Variants in FHIP1B observed in about 807,000 individuals in gnomAD.
FHIP1B encodes FHF complex subunit HOOK interacting protein 1B.
Under a neutral mutation model 82.2 loss-of-function variants are expected in FHIP1B, and 28 were observed. The ratio of observed to expected loss-of-function variants is 0.34; its 90% CI spans 0.25 to 0.47. The LOEUF is 0.47. Ranked by LOEUF, FHIP1B falls within the 20% of genes least tolerant of loss-of-function variation. The probability of loss-of-function intolerance (pLI) is 1.00; values close to 1 mark genes in which losing one functional copy is unlikely to be tolerated. For missense variants in FHIP1B, 1,110 were observed against 1,262.6 expected (o/e 0.88, Z 1.83); for synonymous variants, 585 against 516.1 (o/e 1.13, Z -1.81).
chr11:6,220,547 T>C (rs569833611), intron 6 of FHIP1B, among the ~76,000 whole-genome samples: 29 of 152,306 alleles, frequency 1.9e-4, no homozygotes, highest in Non-Finnish European at 3.7e-4. Flanking sequence ...GCAGGCTATA[T>C]ACGTTACAAA....
chr11:6,217,896 G>T lies in FHIP1B; in HGVS notation c.1690C>A (p.Arg564Ser). 5 of 1,613,134 alleles carry T rather than the reference G, an allele frequency of 3.1e-6. No individual in the cohort carries two copies. The highest frequency in any genetic ancestry group is 4.2e-6 in the Non-Finnish European group (5 of 1,180,016). Residue 564 changes from arginine (R) to serine (S), a missense_variant, in exon 9 of 12, where the codon CGC becomes AGC. Around this residue, in one of 6 missense-constraint regions of FHIP1B, gnomAD observed 418 missense variants for 371.4 expected, o/e 1.13. Coordinates refer to ENST00000449352, the MANE Select transcript of FHIP1B (RefSeq NM_001098794.2). ...CAGGTACGGCAGGCTCGGACACAGC[G>T]GTCCACACCACGACGTGCCTCACGC... ...YLREARRGVDRCVRACRTWSA... is the reference protein window; with the variant it reads ...YLREARRGVDSCVRACRTWSA...
chr11:6,232,331 G>A (rs538496595), intron 1 of FHIP1B, among the ~76,000 whole-genome samples: 130 of 152,312 alleles, frequency 8.5e-4, no homozygotes, highest in African/African-American at 2.8e-3. Flanking sequence ...CTATCAAGAT[G>A]TGATCCAGGT....
rs907472906 is a variant in FHIP1B at position 6,223,514 on chromosome 11, G to A, written c.777+96C>T. 2.8e-6 allele frequency: 4 copies of A among 1,438,700 alleles called. No individual in the cohort carries two copies. The Admixed American group carries it at 6.8e-5, about 25-fold the overall frequency. 89.1% of individuals were successfully genotyped at this position (1,438,700 alleles called of 1,614,324 possible). ...CCAGGAACTGTTTCCTAGGGGAACGGGCCCTGGAACATAGCCTCTCCCCAT... is the reference window on the plus strand; with the variant it reads ...CCAGGAACTGTTTCCTAGGGGAACGAGCCCTGGAACATAGCCTCTCCCCAT... On this transcript the variant is annotated intron_variant, in intron 3 of 11. Transcript: ENST00000449352. The surrounding 1 kb of genome is among the most constrained non-coding windows in gnomAD (Gnocchi z 4.8).
At chr11:6,221,743 G>A (rs1176466840) in intron 6 of FHIP1B, among the ~76,000 whole-genome samples, 2 of 152,064 alleles carry the variant, frequency 1.3e-5, no homozygotes, top group Non-Finnish European at 2.9e-5. Flanking sequence ...CATCTCTTCA[G>A]AGAGGTCTTC....
chr11:6,216,795 C>G (rs1847239794), intron 9 of FHIP1B: 4 of 507,250 alleles, frequency 7.9e-6, no homozygotes, highest in Non-Finnish European at 1.4e-5. Flanking sequence ...TCACAGCAAC[C>G]AAGAAGGTAC....
chr11:6,227,005 A>G (rs1361359268), intron 1 of FHIP1B, among the ~76,000 whole-genome samples: 1 of 152,228 alleles, frequency 6.6e-6, no homozygotes, highest in African/African-American at 2.4e-5. Flanking sequence ...CTCTATCTTA[A>G]TATGTTCCAT....
intron 7 of FHIP1B, 59 bp from the exon 8 acceptor site, chr11:6,218,822 G>C: frequency 6.3e-7 from 1 of 1,584,890 alleles, no homozygotes; most frequent in Non-Finnish European, 8.7e-7. Flanking sequence ...ACAGGGCCTA[G>C]AGGAACATCA....
At chr11:6,214,174 C>T (rs1481508118) in intron 11 of FHIP1B, among the ~76,000 whole-genome samples, 1 of 152,008 alleles carries the variant, frequency 6.6e-6, no homozygotes, top group African/African-American at 2.4e-5. Context: ...ACTACTCTGT[C>T]CTCTTTCTTG....
Position 6,217,818 on chromosome 11 carries a change from A to G in FHIP1B, c.1768T>C (p.Ser590Pro). 1 of 1,610,638 alleles carries G rather than the reference A, an allele frequency of 6.2e-7. No individual in the cohort carries two copies. Among genetic ancestry groups the G allele is most frequent in the Non-Finnish European group, 8.5e-7 (1 of 1,178,902 alleles). ...AGTAGGCTGCGTTTCTTAGTCCGGG[A>G]GCCAAAAGGACTGGGCTCAGGAGAG... ...RPSPEPSPFG[S>P]RTKKRSLLPE... The change falls in exon 9 of 12, where the codon TCC becomes CCC. Residue 590 changes from serine (S) to proline (P), a missense_variant. By Grantham distance (74) the Ser-to-Pro change is moderately conservative. Coordinates refer to ENST00000449352, the MANE Select transcript of FHIP1B (RefSeq NM_001098794.2).
At chr11:6,228,948 G>A (rs918653267) in intron 1 of FHIP1B, among the ~76,000 whole-genome samples, 1 of 152,174 alleles carries the variant, frequency 6.6e-6, no homozygotes. Flanking sequence ...CCCTCTTACA[G>A]TTATTAGCCC....
At chr11:6,214,015 A>C (rs1253638806) in intron 11 of FHIP1B, among the ~76,000 whole-genome samples, 1 of 140,840 alleles carries the variant, frequency 7.1e-6, no homozygotes, top group Non-Finnish European at 1.5e-5. Context: ...CTCCAACTAA[A>C]CAGTCCAGGA....
At position 6,218,713 on chromosome 11, in the gene FHIP1B, C is replaced by T. The variant is rs756094983; in HGVS notation, c.1322G>A (p.Arg441His). 7 of 1,613,948 alleles carry T rather than the reference C, an allele frequency of 4.3e-6. No individual in the cohort carries two copies. The highest frequency in any genetic ancestry group is 4.2e-6 in the Non-Finnish European group (5 of 1,180,022). ...HVMLSQKPAV[R>H]DVDLYGRAAD... ...TGCTCGTCCATATAGGTCCACATCA[C>T]GAACAGCCGGCTTCTGGCTCAGCAT... The change falls in exon 8 of 12, where the codon CGT (arginine) becomes CAT (histidine). Residue 441 changes from arginine to histidine, a missense_variant. By Grantham distance (29) the Arg-to-His change is conservative. This residue lies in a region of FHIP1B where 467 missense variants were observed against 602.9 expected (regional missense o/e 0.77). Coordinates refer to ENST00000449352, the MANE Select transcript of FHIP1B (RefSeq NM_001098794.2).
chr11:6,226,621 C>T (rs868367199), intron 1 of FHIP1B, among the ~76,000 whole-genome samples: 1 of 152,028 alleles, frequency 6.6e-6, no homozygotes, highest in Non-Finnish European at 1.5e-5. Context: ...ACTATGGTAC[C>T]GTGAAAGAAC....
Position 6,218,024 on chromosome 11 carries a change from G to A in FHIP1B, c.1562C>T (p.Pro521Leu), listed in dbSNP as rs573156575. The change falls in exon 9 of 12, where the codon CCT (proline) becomes CTT (leucine). Residue 521 changes from proline (P) to leucine (L), a missense_variant. Pro to Leu is a moderately conservative substitution (Grantham distance 98). Transcript: ENST00000449352. Reference protein sequence around the residue: ...LGGSESPGPAPCSPGLSASPA... With the variant: ...LGGSESPGPALCSPGLSASPA... ...GGATGCAGAAAGCCCTGGTGAGCAA[G>A]GGGCTGGGCCTGGAGACTCAGAGCC... is the stretch of plus-strand genomic sequence containing the variant. 2 of 1,613,560 alleles carry A rather than the reference G, an allele frequency of 1.2e-6. No individual in the cohort carries two copies. Among genetic ancestry groups the A allele is most frequent in the African/African-American group, 1.3e-5 (1 of 75,040 alleles).
intron 6 of FHIP1B, among the ~76,000 whole-genome samples, chr11:6,221,432 G>A (rs972341475): frequency 5.3e-5 from 8 of 152,062 alleles, no homozygotes; most frequent in South Asian, 2.1e-4. Flanking sequence ...TTCTCCTAGA[G>A]GGGCTTAAGT....
chr11:6,214,853 A>G lies in FHIP1B; in HGVS notation c.2274T>C (p.Tyr758=). ...CCAGCCCCGTCAGCAGGAAGTTGAC[A>G]TAGACGGAGTTCTGCAGCATGTTCT... is the stretch of plus-strand genomic sequence containing the variant. ...KLENMLQNSV[Y]VNFLLTGLVA... The change falls in exon 10 of 12, where the codon TAT becomes TAC. Residue 758 remains tyrosine (Y), a synonymous_variant. Coordinates refer to ENST00000449352, the MANE Select transcript of FHIP1B (RefSeq NM_001098794.2). 2 of 1,612,096 alleles carry G rather than the reference A, an allele frequency of 1.2e-6. No individual in the cohort carries two copies. Among genetic ancestry groups the G allele is most frequent in the Non-Finnish European group, 1.7e-6 (2 of 1,179,020 alleles).
chr11:6,223,681 G>GA lies in FHIP1B; in HGVS notation c.705dup (p.Leu236SerfsTer42). 6.2e-7 allele frequency: 1 copy of GA among 1,613,822 alleles called. No individual in the cohort carries two copies. The highest frequency in any genetic ancestry group is 8.5e-7 in the Non-Finnish European group (1 of 1,179,776). On this transcript the variant is annotated frameshift_variant, in exon 3 of 12. Coordinates refer to ENST00000449352, the MANE Select transcript of FHIP1B (RefSeq NM_001098794.2). LOFTEE classifies it high-confidence loss of function. This position sits in a 1 kb window ranked among gnomAD's most constrained non-coding sequence, Gnocchi z 4.8. ...CTCCCAGCTGACAAAGCCATGAGAA[G>GA]AAGTAGGGCATCACGGGCCTGCTGG...
At position 6,211,718 on chromosome 11, in the gene FHIP1B, G is replaced by A; in HGVS notation, c.2707C>T (p.Pro903Ser). ...LSGGSPGAST[P>S]VLLTRGGAPE... The stretch of plus-strand genomic sequence containing the variant: ...GCCCCGCCCCGGGTGAGTAGAACTG[G>A]AGTTGAAGCCCCAGGGGAGCCCCCA... The change falls in exon 12 of 12, where the codon CCA (proline) becomes TCA (serine). Residue 903 changes from proline to serine, a missense_variant. Physicochemically the swap from Pro to Ser is moderately conservative, Grantham distance 74. Coordinates refer to ENST00000449352, the MANE Select transcript of FHIP1B (RefSeq NM_001098794.2). 1 of 1,614,256 alleles carries A rather than the reference G, an allele frequency of 6.2e-7. No individual in the cohort carries two copies.
intron 9 of FHIP1B, chr11:6,215,474 A>G (rs936816014): frequency 1.3e-5 from 2 of 152,268 alleles, no homozygotes; most frequent in Non-Finnish European, 2.9e-5. Context: ...AAAACGGAGG[A>G]TAACACTAAA....
Sources: allele counts gnomAD v4.1 joint callset (sites outside exome capture counted in the v4.1 genomes callset), GRCh38; gene constraint gnomAD v4.1.1; regional missense constraint gnomAD v4.1.1; non-coding constraint Gnocchi (gnomAD v3.1); transcripts MANE v1.5; gene names NCBI Gene and HGNC (gene_info 2026-07-23, HGNC 2026-07-21).